The following TPD52L2 variants were observed in gnomAD, a reference collection of about 807,000 sequenced individuals.
The protein encoded by TPD52L2 is tumor protein D54.
In TPD52L2, 19 loss-of-function variants were observed where a neutral mutation model predicts 24.7. The observed-to-expected ratio is 0.77, with a 90% CI of 0.54 to 1.13. The LOEUF (loss-of-function observed/expected upper bound fraction) is 1.13, where lower values mean the gene tolerates loss of function less well. Ranked by LOEUF, TPD52L2 falls within the 50% of genes most tolerant of loss-of-function variation. The probability of loss-of-function intolerance (pLI) is 0.00; values close to 1 mark genes in which losing one functional copy is unlikely to be tolerated. For synonymous variants in TPD52L2, 104 were observed against 100.2 expected (o/e 1.04, Z -0.23); for missense variants, 236 against 250.4 (o/e 0.94, Z 0.39).
chr20:63,882,467 G>A (rs1449016196), intron 4 of TPD52L2, among the ~76,000 whole-genome samples: 1 of 152,246 alleles, frequency 6.6e-6, no homozygotes, highest in Non-Finnish European at 1.5e-5. Flanking sequence ...AGGGCTGGGG[G>A]GCCGAGACTC....
At chr20:63,876,527 G>C in intron 4 of TPD52L2, 7 of 351,236 alleles carry the variant, frequency 2.0e-5, no homozygotes, top group South Asian at 1.3e-4. Context: ...ATTTACTTGT[G>C]CTCTGATCTG....
At chr20:63,884,641 C>T (rs939400417) in intron 5 of TPD52L2, among the ~76,000 whole-genome samples, 1 of 152,376 alleles carries the variant, frequency 6.6e-6, no homozygotes, top group East Asian at 1.9e-4. Flanking sequence ...GCTCTCTGCT[C>T]AGTCCTGGGG....
chr20:63,867,882 C>T (rs1352178447), intron 1 of TPD52L2, among the ~76,000 whole-genome samples: 1 of 151,080 alleles, frequency 6.6e-6, no homozygotes, highest in Non-Finnish European at 1.5e-5. Flanking sequence ...AGGTGATCCG[C>T]CCGCCTCAGC....
At position 63,890,174 on chromosome 20, in the gene TPD52L2, T is replaced by C; in HGVS notation, c.*229T>C. 9.8e-7 allele frequency: 1 copy of C among 1,016,010 alleles called. No homozygotes were observed. The highest frequency in any genetic ancestry group is 1.4e-6 in the Non-Finnish European group (1 of 713,392). The allele number at this position is 1,016,010 out of a possible 1,614,324, so 62.9% of individuals were successfully genotyped here. A position where few individuals can be genotyped will look rare whatever the true frequency, so the allele number is the denominator to read the frequency against. Reference sequence around the variant, plus strand: ...CGTTTGTAGATGAAACAGATCACTGTGCTGTCCTTCCTAGGGGTGCAGGAA... The same window carrying C: ...CGTTTGTAGATGAAACAGATCACTGCGCTGTCCTTCCTAGGGGTGCAGGAA... On this transcript the variant is annotated 3_prime_UTR_variant, in exon 7 of 7. Coordinates refer to ENST00000346249, the MANE Select transcript of TPD52L2 (RefSeq NM_003288.4).
At chr20:63,887,549 C>G (rs2053178700) in intron 5 of TPD52L2, 1 of 1,613,276 alleles carries the variant, frequency 6.2e-7, no homozygotes, top group African/African-American at 1.3e-5. Context: ...CTGCTTCTGC[C>G]ATGCTTCCAA....
intron 1 of TPD52L2, among the ~76,000 whole-genome samples, chr20:63,866,051 C>T (rs1393550771): frequency 2.0e-5 from 3 of 152,348 alleles, no homozygotes; most frequent in African/African-American, 4.8e-5. Context: ...TGATAAAAGT[C>T]TGCCTTGCAT....
intron 2 of TPD52L2, among the ~76,000 whole-genome samples, chr20:63,870,749 G>T (rs202173358): frequency 1.5e-5 from 2 of 137,150 alleles, no homozygotes; most frequent in Non-Finnish European, 3.2e-5. Context: ...ACAGAGTCTC[G>T]CCCTGTCGCC....
Position 63,875,810 on chromosome 20 carries a change from T to G in TPD52L2, c.315-6T>G. On this transcript the variant is annotated splice_polypyrimidine_tract_variant and splice_region_variant and intron_variant, in intron 3 of 6. Transcript: ENST00000346249. The stretch of plus-strand genomic sequence containing the variant: ...AAATAATTCACTGTAGACTTTCTGT[T>G]TTTAGCTATGTGAAAACTTCTGAGA... 6.2e-7 allele frequency: 1 copy of G among 1,614,058 alleles called. No homozygotes were observed. The highest frequency in any genetic ancestry group is 1.3e-5 in the African/African-American group (1 of 75,038).
rs771673790 is a variant in TPD52L2 at position 63,875,812 on chromosome 20, TTAGC to T, written c.315-1_317del. On this transcript the variant is annotated splice_acceptor_variant and splice_polypyrimidine_tract_variant and coding_sequence_variant and intron_variant, in exon 4 of 7. Transcript: ENST00000346249. LOFTEE classifies it high-confidence loss of function. ...ATAATTCACTGTAGACTTTCTGTTTTTAGCTATGTGAAAACTTCTGAGAAACTTG... is the reference window on the plus strand; with the variant it reads ...ATAATTCACTGTAGACTTTCTGTTTTTATGTGAAAACTTCTGAGAAACTTG... 2.5e-6 allele frequency: 4 copies of T among 1,614,136 alleles called. No homozygotes were observed. The highest frequency in any genetic ancestry group is 2.5e-6 in the Non-Finnish European group (3 of 1,179,972).
chr20:63,873,840 C>G, intron 3 of TPD52L2, 24 bp downstream of exon 3: 1 of 1,478,876 alleles, frequency 6.8e-7, no homozygotes, highest in South Asian at 1.4e-5. Context: ...CCAGGCGCAC[C>G]CCTGGGGGCT....
intron 1 of TPD52L2, among the ~76,000 whole-genome samples, chr20:63,866,320 G>T (rs2052231392): frequency 6.6e-6 from 1 of 152,054 alleles, no homozygotes; most frequent in Non-Finnish European, 1.5e-5. Flanking sequence ...GCCCAGGATG[G>T]TCTCGATCTC....
At chr20:63,879,558 G>A (rs1427412833) in intron 4 of TPD52L2, among the ~76,000 whole-genome samples, 1 of 152,056 alleles carries the variant, frequency 6.6e-6, no homozygotes, top group Non-Finnish European at 1.5e-5. Context: ...CTCCAACTTC[G>A]GTTTCCCCAT....
intron 5 of TPD52L2, among the ~76,000 whole-genome samples, chr20:63,884,061 C>T (rs1334078865): frequency 6.6e-6 from 1 of 152,166 alleles, no homozygotes; most frequent in Non-Finnish European, 1.5e-5. Context: ...GGTAATCTAC[C>T]TTCCCATCCC....
At position 63,877,305 on chromosome 20, in the gene TPD52L2, G is replaced by A. The variant is rs528153299; in HGVS notation, c.374+1430G>A. The A allele has an allele frequency of 1.8e-3, 497 of 283,792 alleles. 1 individual carries two copies. Among genetic ancestry groups the A allele is most frequent in the African/African-American group, 0.011 (476 of 44,064 alleles). 17.6% of individuals were successfully genotyped at this position (283,792 alleles called of 1,614,324 possible). On this transcript the variant is annotated intron_variant, in intron 4 of 6. Transcript: ENST00000346249. This position sits in a 1 kb window ranked among gnomAD's most constrained non-coding sequence, Gnocchi z 4.1. ...CTCCCAAAGTGCTGGGACTACAGGC[G>A]CCCACCACCACGCCCGGCTAATTTT...
chr20:63,869,509 CA>C (rs1241196077), intron 2 of TPD52L2, 68 bp downstream of exon 2: 1 of 1,594,480 alleles, frequency 6.3e-7, no homozygotes, highest in African/African-American at 1.3e-5. Context: ...AGTGAGAGGC[CA>C]GGGTACTGGC....
chr20:63,889,573 CT>C (rs966200406), intron 6 of TPD52L2, among the ~76,000 whole-genome samples: 2 of 152,180 alleles, frequency 1.3e-5, no homozygotes, highest in Non-Finnish European at 2.9e-5. Flanking sequence ...CCGGCAACCC[CT>C]AGTCCACTCT....
At chr20:63,887,239 A>G (rs1239750594) in intron 5 of TPD52L2, 1 of 456,810 alleles carries the variant, frequency 2.2e-6, no homozygotes, top group Non-Finnish European at 4.0e-6. Context: ...CTTTTGCCAA[A>G]AGGTCCTTAC....
At chr20:63,885,957 G>A in intron 5 of TPD52L2, 1 of 1,593,892 alleles carries the variant, frequency 6.3e-7, no homozygotes, top group Non-Finnish European at 8.6e-7. Context: ...GCTGTGAGTG[G>A]GTGCTGGCCT....
In TPD52L2 at chr20:63,869,380, C is replaced by T; in HGVS notation, c.104C>T (p.Thr35Ile). 6.2e-7 allele frequency: 1 copy of T among 1,614,224 alleles called. No individual in the cohort carries two copies. The highest frequency in any genetic ancestry group is 8.5e-7 in the Non-Finnish European group (1 of 1,180,024). The change falls in exon 2 of 7, where the codon ACT becomes ATT. Residue 35 changes from threonine (T) to isoleucine (I), a missense_variant. Coordinates refer to ENST00000346249, the MANE Select transcript of TPD52L2 (RefSeq NM_003288.4). ...GTCGACACAGGTGTGGCTGCCCGGA[C>T]TCCTGCTGTTGAGGGTCTGACAGAG... ...VPVDTGVAAR[T>I]PAVEGLTEAE...
Sources: allele counts gnomAD v4.1 joint callset (sites outside exome capture counted in the v4.1 genomes callset), GRCh38; gene constraint gnomAD v4.1.1; non-coding constraint Gnocchi (gnomAD v3.1); transcripts MANE v1.5; gene names NCBI Gene and HGNC (gene_info 2026-07-23, HGNC 2026-07-21).